Variants in RIPK4 observed in about 807,000 individuals in gnomAD.
The protein encoded by RIPK4 is receptor interacting serine/threonine kinase 4, also known as receptor-interacting serine/threonine-protein kinase 4.
Under a neutral mutation model 42.9 loss-of-function variants are expected in RIPK4, and 17 were observed. The observed-to-expected ratio is 0.40, with a 90% CI of 0.27 to 0.59. The LOEUF (loss-of-function observed/expected upper bound fraction) is 0.59. Among genes scored for constraint, RIPK4 ranks in the 20% least tolerant of loss-of-function variants. The pLI, the probability that RIPK4 is intolerant of heterozygous loss-of-function variation, is 0.47. For missense variants in RIPK4, 897 were observed against 1,104.4 expected, an observed-to-expected ratio of 0.81 and a Z score of 2.66; for synonymous variants, 498 against 499.1, an observed-to-expected ratio of 1.00 and a Z score of 0.03.
At chr21:41,763,779 G>A (rs1423806121) in intron 1 of RIPK4, among the ~76,000 whole-genome samples, 1 of 152,194 alleles carries the variant, frequency 6.6e-6, no homozygotes, top group Non-Finnish European at 1.5e-5. Context: ...GGTTTGCTCA[G>A]GCTCGCCCCG....
rs75952584 is a variant in RIPK4 at position 41,755,260 on chromosome 21, A to C, written c.474+1265T>G. ...TTTGTCTCCATTATCTCAATTTCCT[A>C]CTTCACTTCGCAGGACGGTGCTTCA... is the stretch of plus-strand genomic sequence containing the variant. On this transcript the variant is annotated intron_variant, in intron 2 of 7. Coordinates refer to ENST00000332512, the MANE Select transcript of RIPK4 (RefSeq NM_020639.3). The surrounding 1 kb of genome is among the most constrained non-coding windows in gnomAD (Gnocchi z 4.2). Among the ~76,000 whole-genome samples, 14 of 152,236 alleles carry C rather than the reference A, an allele frequency of 9.2e-5. No individual in the cohort carries two copies. In the East Asian group the frequency reaches 2.3e-3, roughly 25 times the overall value.
chr21:41,743,708 C>T (rs748955671), intron 7 of RIPK4, among the ~76,000 whole-genome samples, 174 bp downstream of exon 7: 1 of 152,236 alleles, frequency 6.6e-6, no homozygotes, highest in African/African-American at 2.4e-5. Context: ...TGACATAAGA[C>T]GGAGCCAAAT....
intron 2 of RIPK4, 105 bp downstream of exon 2, chr21:41,756,420 T>TC: frequency 7.3e-7 from 1 of 1,376,050 alleles, no homozygotes; most frequent in East Asian, 2.3e-5. Context: ...AACCACCTCC[T>TC]CTTCTGCCCT....
rs1479763213 is a variant in RIPK4, at chr21:41,757,998, C to CCAAAA, written c.183-1183_183-1182insTTTTG. Reference sequence around the variant, plus strand: ...TGGGCGACACAGAGAGACTCCATAACAAAAAAAAAAAAAAAAAAAAAAAAT... The same window carrying CCAAAA: ...TGGGCGACACAGAGAGACTCCATAACCAAAAAAAAAAAAAAAAAAAAAAAAAAAAT... On this transcript the variant is annotated intron_variant, in intron 1 of 7. Coordinates refer to ENST00000332512, the MANE Select transcript of RIPK4 (RefSeq NM_020639.3). Among the ~76,000 whole-genome samples the CCAAAA allele has an allele frequency of 8.3e-3, 108 of 13,070 alleles. 16 individuals are homozygous for CCAAAA. The highest frequency in any genetic ancestry group is 0.083 in the Middle Eastern group (1 of 12). 8.6% of individuals were successfully genotyped at this position (13,070 alleles called of 152,430 possible). A position where few individuals can be genotyped will look rare whatever the true frequency, so the allele number is the denominator to read the frequency against.
rs781354643 is a variant in RIPK4 at position 41,741,153 on chromosome 21, G to A, written c.2040C>T (p.Asn680=). 9.3e-6 allele frequency: 15 copies of A among 1,612,654 alleles called. No individual in the cohort carries two copies. Among genetic ancestry groups the A allele is most frequent in the Middle Eastern group, 1.6e-4 (1 of 6,084 alleles). ...GYTALHLAAR[N]GHLATVKLLV... is the part of the protein sequence containing the mutation. ...GCAGCTTGACAGTGGCCAGGTGTCC[G>A]TTGCGGGCAGCCAGGTGCAGAGCGG... The change falls in exon 8 of 8, where the codon AAC becomes AAT. Residue 680 remains asparagine, a synonymous_variant. Transcript: ENST00000332512.
rs2061201930 is a variant in RIPK4, at chr21:41,755,914, TCTTA to T, written c.474+607_474+610del. On this transcript the variant is annotated intron_variant, in intron 2 of 7. Transcript: ENST00000332512. The surrounding 1 kb of genome is among the most constrained non-coding windows in gnomAD (Gnocchi z 4.2). ...CACTGGTTTTCAGTTACATTATCTC[TCTTA>T]CTTTTCTGTGTTTCAAAAACCTATC... Among the ~76,000 whole-genome samples the T allele has an allele frequency of 6.6e-6, 1 of 152,232 alleles. No homozygotes were observed. Among genetic ancestry groups the T allele is most frequent in the Admixed American group, 6.5e-5 (1 of 15,284 alleles).
Position 41,745,705 on chromosome 21 carries a change from A to T in RIPK4, c.936+54T>A, listed in dbSNP as rs575160614. ...CTCTGCAAAGAGGAGTGGTTTGGAA[A>T]CTCCTGCCTGGAAGCCGAGGAGACA... is the stretch of plus-strand genomic sequence containing the variant. On this transcript the variant is annotated intron_variant, in intron 6 of 7. Coordinates refer to ENST00000332512, the MANE Select transcript of RIPK4 (RefSeq NM_020639.3). The T allele has an allele frequency of 2.0e-4, 272 of 1,390,312 alleles. 1 individual carries two copies. Among genetic ancestry groups the T allele is most frequent in the Non-Finnish European group, 2.7e-4 (262 of 980,840 alleles). The allele number at this position is 1,390,312 out of a possible 1,614,324, so 86.1% of individuals were successfully genotyped here. A position where few individuals can be genotyped will look rare whatever the true frequency, so the allele number is the denominator to read the frequency against.
In RIPK4 at chr21:41,742,554, A is replaced by G. The variant is rs1401169449; in HGVS notation, c.1196-557T>C. Among the ~76,000 whole-genome samples, 2 of 152,206 alleles carry G rather than the reference A, an allele frequency of 1.3e-5. No individual in the cohort carries two copies. Among genetic ancestry groups the G allele is most frequent in the Admixed American group, 6.5e-5 (1 of 15,288 alleles). On this transcript the variant is annotated intron_variant, in intron 7 of 7. Transcript: ENST00000332512. This position sits in a 1 kb window ranked among gnomAD's most constrained non-coding sequence, Gnocchi z 5.1. ...CTGAAGGGACCGAGCTTCTCGTTTC[A>G]GGAGGACGTTAGTCCAGCACTCAGG...
At position 41,740,937 on chromosome 21, in the gene RIPK4, C is replaced by T; in HGVS notation, c.2256G>A (p.Glu752=). Residue 752 remains glutamate, a synonymous_variant, in exon 8 of 8, where the codon GAG becomes GAA. Coordinates refer to ENST00000332512, the MANE Select transcript of RIPK4 (RefSeq NM_020639.3). The part of the protein sequence containing the change: ...AAQGRHAQTV[E]TLLRHGAHIN... The stretch of plus-strand genomic sequence containing the variant: ...TGTGGGCCCCATGCCTGAGCAGAGT[C>T]TCCACCGTCTGTGCGTGCCGGCCCT... 2 of 1,612,640 alleles carry T rather than the reference C, an allele frequency of 1.2e-6. No individual in the cohort carries two copies. Among genetic ancestry groups the T allele is most frequent in the Non-Finnish European group, 8.5e-7 (1 of 1,179,888 alleles).
In RIPK4 at chr21:41,741,631, C is replaced by T. The variant is rs1238431406; in HGVS notation, c.1562G>A (p.Arg521Gln). 5 of 1,613,356 alleles carry T rather than the reference C, an allele frequency of 3.1e-6. No individual in the cohort carries two copies. Among genetic ancestry groups the T allele is most frequent in the East Asian group, 2.2e-5 (1 of 44,884 alleles). Residue 521 changes from arginine (R) to glutamine (Q), a missense_variant, in exon 8 of 8, where the codon CGG becomes CAG. By Grantham distance (43) the Arg-to-Gln change is conservative. Coordinates refer to ENST00000332512, the MANE Select transcript of RIPK4 (RefSeq NM_020639.3). ...CGAGGCGTTCTTCTCCAACAGCAGC[C>T]GTGTGCTAGACTCGTCCCCGTTCTG... Reference protein sequence around the residue: ...AAQNGDESSTRLLLEKNASVN... With the variant: ...AAQNGDESSTQLLLEKNASVN...
intron 1 of RIPK4, among the ~76,000 whole-genome samples, chr21:41,764,830 A>C (rs2061231389): frequency 6.6e-6 from 1 of 152,234 alleles, no homozygotes; most frequent in African/African-American, 2.4e-5. Flanking sequence ...ACTGCTGCAC[A>C]TGGCAAAGCC....
rs777639397 is a variant in RIPK4, at chr21:41,744,135, C to A, written c.942G>T (p.Val314=). ...KSPPEPRSEV[V]PARLKRASAP... is the part of the protein sequence containing the mutation. ...CAGAGGCCCGCTTGAGCCTCGCAGG[C>A]ACCACCTGCGAAGATGCAGAAGAGG... is the stretch of plus-strand genomic sequence containing the variant. The change falls in exon 7 of 8, where the codon GTG becomes GTT. Residue 314 remains valine (V), a synonymous_variant. Coordinates refer to ENST00000332512, the MANE Select transcript of RIPK4 (RefSeq NM_020639.3). 6.3e-7 allele frequency: 1 copy of A among 1,586,612 alleles called. No individual in the cohort carries two copies. The highest frequency in any genetic ancestry group is 1.7e-5 in the Admixed American group (1 of 57,698).
At chr21:41,760,619 C>T in intron 1 of RIPK4, among the ~76,000 whole-genome samples, 1 of 152,188 alleles carries the variant, frequency 6.6e-6, no homozygotes, top group East Asian at 1.9e-4. Flanking sequence ...CACACACACT[C>T]TGTTGGAAGA....
At chr21:41,759,907 C>T (rs911672498) in intron 1 of RIPK4, among the ~76,000 whole-genome samples, 5 of 152,312 alleles carry the variant, frequency 3.3e-5, no homozygotes, top group South Asian at 4.1e-4. Flanking sequence ...ACCAAAGGCT[C>T]GGAGATCTCA....
chr21:41,753,865 G>C (rs560056498), intron 2 of RIPK4, among the ~76,000 whole-genome samples: 1 of 152,302 alleles, frequency 6.6e-6, no homozygotes, highest in South Asian at 2.1e-4. Context: ...AATGCAGCCT[G>C]AGATTTTAAA....
At position 41,741,228 on chromosome 21, in the gene RIPK4, C is replaced by T. The variant is rs1318584697; in HGVS notation, c.1965G>A (p.Leu655=). Residue 655 remains leucine, a synonymous_variant, in exon 8 of 8, where the codon CTG becomes CTA. Transcript: ENST00000332512. ...AETGHTSTAR[L]LLHRGAGKEA... The stretch of plus-strand genomic sequence containing the variant: ...CCTTGCCAGCGCCCCGATGCAGGAG[C>T]AGCCTGGCAGTGCTCGTGTGCCCCG... 3 of 1,608,570 alleles carry T rather than the reference C, an allele frequency of 1.9e-6. No individual in the cohort carries two copies. The highest frequency in any genetic ancestry group is 1.7e-5 in the Admixed American group (1 of 59,862).
chr21:41,746,892 G>A, intron 4 of RIPK4, 121 bp from the exon 5 acceptor site: 1 of 1,138,636 alleles, frequency 8.8e-7, no homozygotes, highest in Non-Finnish European at 1.2e-6. Context: ...CCACCCCAGG[G>A]AGACGGCTCC....
chr21:41,756,379 G>T, intron 2 of RIPK4, 146 bp downstream of exon 2: 3 of 1,001,316 alleles, frequency 3.0e-6, no homozygotes, highest in Non-Finnish European at 2.9e-6. Context: ...GCTGCAAAAG[G>T]CCTCGGTTTC....
chr21:41,759,701 G>T (rs1455254557), intron 1 of RIPK4, among the ~76,000 whole-genome samples: 1 of 152,172 alleles, frequency 6.6e-6, no homozygotes, highest in Non-Finnish European at 1.5e-5. Context: ...CCATTTCCTC[G>T]CCTGCTGGTG....
Sources: allele counts gnomAD v4.1 joint callset (sites outside exome capture counted in the v4.1 genomes callset), GRCh38; gene constraint gnomAD v4.1.1; non-coding constraint Gnocchi (gnomAD v3.1); transcripts MANE v1.5; gene names NCBI Gene and HGNC (gene_info 2026-07-23, HGNC 2026-07-21).